Variants in GALR3 observed in about 807,000 individuals in gnomAD.
The protein encoded by GALR3 is galanin receptor type 3.
GALR3 carries 5 observed loss-of-function variants against 6.9 expected under a neutral mutation model. The observed-to-expected ratio is 0.72, with a 90% confidence interval of 0.38 to 1.52. The LOEUF (loss-of-function observed/expected upper bound fraction) is 1.52. Among genes scored for constraint, GALR3 ranks in the 40% most tolerant of loss-of-function variants. The pLI is 0.03. For missense variants in GALR3, 570 were observed against 545.6 expected, an observed-to-expected ratio of 1.04 and a Z score of -0.44; for synonymous variants, 308 against 263.6, an observed-to-expected ratio of 1.17 and a Z score of -1.63.
intron 1 of GALR3, among the ~76,000 whole-genome samples, chr22:37,824,125 GTTT>G: frequency 6.8e-6 from 1 of 146,218 alleles, no homozygotes; most frequent in East Asian, 2.0e-4. Context: ...TTGTTTTGTT[GTTT>G]TTTTTTTTTG....
At chr22:37,824,623 C>G (rs894804309) in intron 1 of GALR3, 100 bp from the exon 2 acceptor site, 31 of 678,836 alleles carry the variant, frequency 4.6e-5, no homozygotes, top group Non-Finnish European at 6.1e-5. Context: ...CCCCACGGTT[C>G]ACAGGAGGCG....
chr22:37,823,835 A>G (rs1922515916), intron 1 of GALR3, 70 bp downstream of exon 1: 3 of 821,900 alleles, frequency 3.7e-6, no homozygotes, highest in South Asian at 3.2e-5. Context: ...TCCTGAACAG[A>G]TCCTCACTGG....
chr22:37,825,358 G>C lies in GALR3; in HGVS notation c.995G>C (p.Gly332Ala). Residue 332 changes from glycine to alanine, a missense_variant, in exon 2 of 2, where the codon GGC (glycine) becomes GCC (alanine). Transcript: ENST00000249041. ...RVRPASSGPP[G>A]CPGDARPSGR... is the part of the protein sequence containing the mutation. Reference sequence around the variant, plus strand: ...CGCCCCGCGTCCTCGGGCCCACCCGGCTGCCCCGGAGACGCCCGGCCTAGC... The same window carrying C: ...CGCCCCGCGTCCTCGGGCCCACCCGCCTGCCCCGGAGACGCCCGGCCTAGC... The C allele has an allele frequency of 7.4e-7, 1 of 1,348,720 alleles. No homozygotes were observed. Among genetic ancestry groups the C allele is most frequent in the East Asian group, 3.1e-5 (1 of 32,410 alleles). The allele number at this position is 1,348,720 out of a possible 1,614,324, so 83.5% of individuals were successfully genotyped here. A position where few individuals can be genotyped will look rare whatever the true frequency, so the allele number is the denominator to read the frequency against.
chr22:37,825,320 C>A lies in GALR3; in HGVS notation c.957C>A (p.Ala319=). ...GACGCCGCCACCGTGCCCGCCGCGC[C>A]TTGCGTCGCGTCCGCCCCGCGTCCT... The part of the protein sequence containing the change: ...GRRRRHRARR[A]LRRVRPASSG... The change falls in exon 2 of 2, where the codon GCC becomes GCA. Residue 319 remains alanine, a synonymous_variant. Transcript: ENST00000249041. 5 of 1,254,266 alleles carry A rather than the reference C, an allele frequency of 4.0e-6. No individual in the cohort carries two copies. Among genetic ancestry groups the A allele is most frequent in the Non-Finnish European group, 5.0e-6 (5 of 1,002,732 alleles). 77.7% of individuals were successfully genotyped at this position (1,254,266 alleles called of 1,614,324 possible).
chr22:37,825,210 A>C lies in GALR3; in HGVS notation c.847A>C (p.Asn283His). 1 of 1,481,300 alleles carries C rather than the reference A, an allele frequency of 6.8e-7. No homozygotes were observed. The highest frequency in any genetic ancestry group is 9.0e-7 in the Non-Finnish European group (1 of 1,111,174). The allele number at this position is 1,481,300 out of a possible 1,614,324, so 91.8% of individuals were successfully genotyped here. A position where few individuals can be genotyped will look rare whatever the true frequency, so the allele number is the denominator to read the frequency against. Residue 283 changes from asparagine to histidine, a missense_variant, in exon 2 of 2, where the codon AAC (asparagine) becomes CAC (histidine). Coordinates refer to ENST00000249041, the MANE Select transcript of GALR3 (RefSeq NM_003614.2). Reference sequence around the variant, plus strand: ...GGCCTCACACTGCCTGGCCTACGCCAACTCCTGCCTCAACCCGCTCGTCTA... The same window carrying C: ...GGCCTCACACTGCCTGGCCTACGCCCACTCCTGCCTCAACCCGCTCGTCTA... ...RLASHCLAYA[N>H]SCLNPLVYAL... is the part of the protein sequence containing the mutation.
chr22:37,824,792 G>A lies in GALR3; in HGVS notation c.429G>A (p.Val143=), dbSNP rs1426344946. Residue 143 remains valine (V), a synonymous_variant, in exon 2 of 2, where the codon GTG becomes GTA. Coordinates refer to ENST00000249041, the MANE Select transcript of GALR3 (RefSeq NM_003614.2). ...CGCCGCGTAACGCCCGCGCCGCAGT[G>A]GGGCTGGTGTGGCTGCTGGCGGCGC... ...LRTPRNARAA[V]GLVWLLAALF... The A allele has an allele frequency of 7.5e-6, 10 of 1,336,306 alleles. No homozygotes were observed. The African/African-American group carries it at 1.1e-4, about 14-fold the overall frequency. The allele number at this position is 1,336,306 out of a possible 1,614,324, so 82.8% of individuals were successfully genotyped here.
chr22:37,823,527 G>T lies in GALR3; in HGVS notation c.121G>T (p.Val41Leu). 1 of 1,613,962 alleles carries T rather than the reference G, an allele frequency of 6.2e-7. No homozygotes were observed. The highest frequency in any genetic ancestry group is 1.1e-5 in the South Asian group (1 of 91,084). The change falls in exon 1 of 2, where the codon GTG becomes TTG. Residue 41 changes from valine to leucine, a missense_variant. Coordinates refer to ENST00000249041, the MANE Select transcript of GALR3 (RefSeq NM_003614.2). ...GTVGNGLVLAVLLQPGPSAWQ... is the reference protein window; with the variant it reads ...GTVGNGLVLALLLQPGPSAWQ... ...AGTGGGCAATGGGCTGGTGCTGGCA[G>T]TGCTCCTGCAGCCTGGCCCGAGTGC...
chr22:37,824,734 T>A lies in GALR3; in HGVS notation c.371T>A (p.Val124Glu), dbSNP rs1373568488. 10 of 1,227,282 alleles carry A rather than the reference T, an allele frequency of 8.1e-6. No individual in the cohort carries two copies. Among genetic ancestry groups the A allele is most frequent in the South Asian group, 3.3e-5 (1 of 30,054 alleles). The allele number at this position is 1,227,282 out of a possible 1,614,324, so 76.0% of individuals were successfully genotyped here. A position where few individuals can be genotyped will look rare whatever the true frequency, so the allele number is the denominator to read the frequency against. The change falls in exon 2 of 2, where the codon GTG (valine) becomes GAG (glutamate). Residue 124 changes from valine to glutamate, a missense_variant. Val to Glu is a moderately radical substitution (Grantham distance 121). Transcript: ENST00000249041. Reference protein sequence around the residue: ...AAVSVDRYLAVRHPLRSRALR... With the variant: ...AAVSVDRYLAERHPLRSRALR... ...GGCGCCCTCCGCAGGTACCTGGCCG[T>A]GCGGCACCCGCTGCGCTCGCGCGCC...
chr22:37,825,346 C>T lies in GALR3; in HGVS notation c.983C>T (p.Ser328Leu), dbSNP rs1922583175. 2.3e-6 allele frequency: 3 copies of T among 1,295,088 alleles called. No individual in the cohort carries two copies. The highest frequency in any genetic ancestry group is 4.9e-5 in the South Asian group (2 of 40,666). 80.2% of individuals were successfully genotyped at this position (1,295,088 alleles called of 1,614,324 possible). Residue 328 changes from serine (S) to leucine (L), a missense_variant, in exon 2 of 2, where the codon TCG becomes TTG. Ser to Leu is a moderately radical substitution (Grantham distance 145). Coordinates refer to ENST00000249041, the MANE Select transcript of GALR3 (RefSeq NM_003614.2). Reference sequence around the variant, plus strand: ...TTGCGTCGCGTCCGCCCCGCGTCCTCGGGCCCACCCGGCTGCCCCGGAGAC... The same window carrying T: ...TTGCGTCGCGTCCGCCCCGCGTCCTTGGGCCCACCCGGCTGCCCCGGAGAC... ...RALRRVRPAS[S>L]GPPGCPGDAR...
At chr22:37,824,627 G>A (rs901710180) in intron 1 of GALR3, 96 bp from the exon 2 acceptor site, 4 of 704,816 alleles carry the variant, frequency 5.7e-6, no homozygotes, top group Admixed American at 9.7e-5. Flanking sequence ...ACGGTTCACA[G>A]GAGGCGCACT....
chr22:37,823,673 C>T lies in GALR3; in HGVS notation c.267C>T (p.Leu89=), dbSNP rs1569087519. The T allele has an allele frequency of 1.2e-6, 2 of 1,613,992 alleles. No homozygotes were observed. The highest frequency in any genetic ancestry group is 2.2e-5 in the East Asian group (1 of 44,876). ...CCATCTACACGCTGGATGCCTGGCTCTTTGGGGCCCTCGTCTGCAAGGCCG... is the reference window on the plus strand; with the variant it reads ...CCATCTACACGCTGGATGCCTGGCTTTTTGGGGCCCTCGTCTGCAAGGCCG... ...QATIYTLDAW[L]FGALVCKAVH... is the part of the protein sequence containing the mutation. Residue 89 remains leucine, a synonymous_variant, in exon 1 of 2, where the codon CTC becomes CTT. Transcript: ENST00000249041.
At position 37,824,883 on chromosome 22, in the gene GALR3, C is replaced by A; in HGVS notation, c.520C>A (p.Pro174Thr). The A allele has an allele frequency of 7.2e-7, 1 of 1,393,350 alleles. No individual in the cohort carries two copies. The highest frequency in any genetic ancestry group is 1.6e-5 in the South Asian group (1 of 62,040). 86.3% of individuals were successfully genotyped at this position (1,393,350 alleles called of 1,614,324 possible). ...CTACGGCGCGCTGGAGCTCTGCGTG[C>A]CCGCCTGGGAGGACGCGCGCCGCCG... ...VRYGALELCV[P>T]AWEDARRRAL... is the part of the protein sequence containing the mutation. Residue 174 changes from proline (P) to threonine (T), a missense_variant, in exon 2 of 2, where the codon CCC becomes ACC. Pro to Thr is a conservative substitution (Grantham distance 38). Transcript: ENST00000249041.
Position 37,825,306 on chromosome 22 carries a change from C to T in GALR3, c.943C>T (p.Arg315Cys), listed in dbSNP as rs1463191450. The T allele has an allele frequency of 2.4e-6, 3 of 1,254,094 alleles. No homozygotes were observed. The Middle Eastern group carries it at 6.8e-4, about 286-fold the overall frequency. 77.7% of individuals were successfully genotyped at this position (1,254,094 alleles called of 1,614,324 possible). The change falls in exon 2 of 2, where the codon CGT becomes TGT. Residue 315 changes from arginine (R) to cysteine (C), a missense_variant. Arg to Cys is a radical substitution (Grantham distance 180, BLOSUM62 -3). Coordinates refer to ENST00000249041, the MANE Select transcript of GALR3 (RefSeq NM_003614.2). Reference protein sequence around the residue: ...LWPCGRRRRHRARRALRRVRP... With the variant: ...LWPCGRRRRHCARRALRRVRP... ...GCCGTGCGGCCGCCGACGCCGCCAC[C>T]GTGCCCGCCGCGCCTTGCGTCGCGT...
At position 37,823,735 on chromosome 22, in the gene GALR3, G is replaced by C. The variant is rs550362346; in HGVS notation, c.329G>C (p.Ser110Thr). The C allele has an allele frequency of 8.1e-6, 13 of 1,609,302 alleles. No homozygotes were observed. The African/African-American group carries it at 1.5e-4, about 18-fold the overall frequency. The change falls in exon 1 of 2, where the codon AGC (serine) becomes ACC (threonine). Residue 110 changes from serine (S) to threonine (T), a missense_variant. Transcript: ENST00000249041. The stretch of plus-strand genomic sequence containing the variant: ...ATCTACCTCACCATGTACGCCAGCA[G>C]CTTTACGCTGGCTGCTGTCTCCGTG... ...LLIYLTMYAS[S>T]FTLAAVSVDR...
At position 37,825,309 on chromosome 22, in the gene GALR3, GC is replaced by G; in HGVS notation, c.949del (p.Arg317AlafsTer?). On this transcript the variant is annotated frameshift_variant, in exon 2 of 2. Transcript: ENST00000249041. LOFTEE classifies it low-confidence loss of function (END_TRUNC). ...WPCGRRRRHRARRALRRVRPA... is the reference protein window; with the variant it reads ...WPCGRRRRHRXRRALRRVRPA... ...GTGCGGCCGCCGACGCCGCCACCGT[GC>G]CCGCCGCGCCTTGCGTCGCGTCCGC... 1 of 1,250,194 alleles carries G rather than the reference GC, an allele frequency of 8.0e-7. No homozygotes were observed. Among genetic ancestry groups the G allele is most frequent in the Non-Finnish European group, 1.0e-6 (1 of 1,001,422 alleles). 77.4% of individuals were successfully genotyped at this position (1,250,194 alleles called of 1,614,324 possible). A position where few individuals can be genotyped will look rare whatever the true frequency, so the allele number is the denominator to read the frequency against.
rs1341593021 is a variant in GALR3, at chr22:37,823,406, G to A, written c.-1G>A. The A allele has an allele frequency of 2.5e-6, 4 of 1,568,652 alleles. No individual in the cohort carries two copies. The highest frequency in any genetic ancestry group is 3.5e-5 in the Admixed American group (2 of 56,416). On this transcript the variant is annotated 5_prime_UTR_variant, in exon 1 of 2. Transcript: ENST00000249041. ...TTCCCAGGTGCCCGTCTGATGGGGA[G>A]ATGGCTGATGCCCAGAACATTTCAC...
Position 37,824,876 on chromosome 22 carries a change from C to A in GALR3, c.513C>A (p.Leu171=). 7.2e-7 allele frequency: 1 copy of A among 1,398,576 alleles called. No homozygotes were observed. Among genetic ancestry groups the A allele is most frequent in the Non-Finnish European group, 9.3e-7 (1 of 1,072,470 alleles). The allele number at this position is 1,398,576 out of a possible 1,614,324, so 86.6% of individuals were successfully genotyped here. Residue 171 remains leucine, a synonymous_variant, in exon 2 of 2, where the codon CTC becomes CTA. Transcript: ENST00000249041. The part of the protein sequence containing the change: ...YGTVRYGALE[L]CVPAWEDARR... Reference sequence around the variant, plus strand: ...CCGTGCGCTACGGCGCGCTGGAGCTCTGCGTGCCCGCCTGGGAGGACGCGC... The same window carrying A: ...CCGTGCGCTACGGCGCGCTGGAGCTATGCGTGCCCGCCTGGGAGGACGCGC...
At position 37,825,065 on chromosome 22, in the gene GALR3, G is replaced by T. The variant is rs370236739; in HGVS notation, c.702G>T (p.Gly234=). 8.8e-7 allele frequency: 1 copy of T among 1,139,972 alleles called. No individual in the cohort carries two copies. Among genetic ancestry groups the T allele is most frequent in the Non-Finnish European group, 1.1e-6 (1 of 928,520 alleles). The allele number at this position is 1,139,972 out of a possible 1,614,324, so 70.6% of individuals were successfully genotyped here. Reference sequence around the variant, plus strand: ...GGCGGAGGGCGACGGGCCGCGCGGGGCGCGCCATGCTGGCGGTGGCCGCGC... The same window carrying T: ...GGCGGAGGGCGACGGGCCGCGCGGGTCGCGCCATGCTGGCGGTGGCCGCGC... The part of the protein sequence containing the change: ...EARRRATGRA[G]RAMLAVAALY... Residue 234 remains glycine (G), a synonymous_variant, in exon 2 of 2, where the codon GGG becomes GGT. Coordinates refer to ENST00000249041, the MANE Select transcript of GALR3 (RefSeq NM_003614.2).
In GALR3 at chr22:37,823,600, C is replaced by A. The variant is rs369407494; in HGVS notation, c.194C>A (p.Ala65Glu). Residue 65 changes from alanine (A) to glutamate (E), a missense_variant, in exon 1 of 2, where the codon GCG (alanine) becomes GAG (glutamate). Transcript: ENST00000249041. ...ACGGACCTGTTCATCCTCAACCTGGCGGTGGCTGACCTCTGCTTCATCCTG... is the reference window on the plus strand; with the variant it reads ...ACGGACCTGTTCATCCTCAACCTGGAGGTGGCTGACCTCTGCTTCATCCTG... ...STTDLFILNL[A>E]VADLCFILCC... 2 of 1,614,122 alleles carry A rather than the reference C, an allele frequency of 1.2e-6. No homozygotes were observed. The highest frequency in any genetic ancestry group is 1.7e-5 in the Admixed American group (1 of 60,028).
Sources: gnomAD v4.1 joint callset for allele counts (sites outside exome capture counted in the v4.1 genomes callset) on GRCh38, gnomAD v4.1.1 for gene constraint, MANE v1.5 for transcripts, NCBI Gene and HGNC (gene_info 2026-07-23, HGNC 2026-07-21) for gene names.